The following ZNF569 variants were observed in gnomAD, a reference collection of about 807,000 sequenced individuals.
ZNF569 encodes the protein DNA-binding protein.
Under a neutral mutation model 56.3 loss-of-function variants are expected in ZNF569, and 38 were observed. That is an observed-to-expected ratio of 0.68 (90% CI 0.52 to 0.88). The LOEUF is 0.88. Ranked by LOEUF, ZNF569 falls within the 40% of genes least tolerant of loss-of-function variation. ZNF569 has a pLI of 0.00. For missense variants in ZNF569, 666 were observed against 809.2 expected (o/e 0.82, Z 2.15); for synonymous variants, 241 against 262.9 (o/e 0.92, Z 0.81).
At chr19:37,424,845 G>T (rs1246652895) in intron 5 of ZNF569, among the ~76,000 whole-genome samples, 2 of 144,936 alleles carry the variant, frequency 1.4e-5, no homozygotes, top group Non-Finnish European at 3.0e-5. Flanking sequence ...AAAAAGCCGG[G>T]CATGGTGGCT....
intron 2 of ZNF569, among the ~76,000 whole-genome samples, chr19:37,464,662 A>G (rs1447683491): frequency 6.7e-6 from 1 of 150,028 alleles, no homozygotes; most frequent in Non-Finnish European, 1.5e-5. Flanking sequence ...AGGAGGCTAT[A>G]CCATCTAGGT....
chr19:37,468,442 G>A (rs184660219), upstream of ZNF569, among the ~76,000 whole-genome samples: 43 of 152,190 alleles, frequency 2.8e-4, no homozygotes, highest in African/African-American at 9.4e-4. Context: ...TCACGCCTGT[G>A]ATCCCAGCAC....
intron 5 of ZNF569, among the ~76,000 whole-genome samples, chr19:37,420,735 T>G (rs2041021304): frequency 6.6e-6 from 1 of 152,152 alleles, no homozygotes; most frequent in African/African-American, 2.4e-5. Flanking sequence ...GATATTCTGA[T>G]CTCCTCTCCT....
intron 2 of ZNF569, among the ~76,000 whole-genome samples, chr19:37,463,244 C>T (rs189809087): frequency 1.8e-4 from 28 of 151,764 alleles, no homozygotes; most frequent in Non-Finnish European, 3.4e-4. Flanking sequence ...TCATGTGCTG[C>T]GTAACAATGT....
chr19:37,425,795 G>T, intron 5 of ZNF569, 73 bp downstream of exon 5: 1 of 1,179,608 alleles, frequency 8.5e-7, no homozygotes, highest in Non-Finnish European at 1.3e-6. Context: ...TATTTTAGAG[G>T]GATCAACCAT....
At chr19:37,426,090 CT>C in intron 4 of ZNF569, 127 bp from the exon 5 acceptor site, 1 of 1,308,608 alleles carries the variant, frequency 7.6e-7, no homozygotes, top group South Asian at 1.4e-5. Flanking sequence ...GTTCTGTCCC[CT>C]TTTGCTCTGA....
Position 37,414,137 on chromosome 19 carries a change from T to A in ZNF569, c.521A>T (p.Tyr174Phe), listed in dbSNP as rs757484800. 1.2e-6 allele frequency: 2 copies of A among 1,613,804 alleles called. No individual in the cohort carries two copies. The highest frequency in any genetic ancestry group is 1.7e-6 in the Non-Finnish European group (2 of 1,179,898). ...HCEYNEPVKS[Y>F]GNSSSHFVIT... ...GACAAAATGGGATGAGCTATTACCA[T>A]ATGATTTCACAGGTTCATTATATTC... The change falls in exon 6 of 6, where the codon TAT (tyrosine) becomes TTT (phenylalanine). Residue 174 changes from tyrosine to phenylalanine, a missense_variant. Transcript: ENST00000316950.
chr19:37,418,170 T>G (rs898227131), intron 5 of ZNF569, among the ~76,000 whole-genome samples: 2 of 151,554 alleles, frequency 1.3e-5, no homozygotes, highest in African/African-American at 4.8e-5. Context: ...TGTGTTTATA[T>G]CCAGTCTAAA....
chr19:37,433,494 A>G (rs1285509685), intron 3 of ZNF569, among the ~76,000 whole-genome samples: 1 of 152,224 alleles, frequency 6.6e-6, no homozygotes, highest in Non-Finnish European at 1.5e-5. Context: ...ATTCAAGTAC[A>G]AGAAGGTTAT....
At chr19:37,430,628 T>A (rs1235992897) in intron 3 of ZNF569, among the ~76,000 whole-genome samples, 1 of 146,880 alleles carries the variant, frequency 6.8e-6, no homozygotes, top group South Asian at 2.2e-4. Context: ...GAGGGCCCAA[T>A]AGAAGCCTCC....
intron 3 of ZNF569, among the ~76,000 whole-genome samples, chr19:37,439,319 C>T (rs934460882): frequency 6.4e-4 from 97 of 152,206 alleles, no homozygotes; most frequent in Non-Finnish European, 2.2e-4. Context: ...GATCCACCCG[C>T]CTTGGCCTCC....
intron 5 of ZNF569, among the ~76,000 whole-genome samples, chr19:37,420,773 G>A (rs2041022165): frequency 6.6e-6 from 1 of 152,038 alleles, no homozygotes; most frequent in African/African-American, 2.4e-5. Flanking sequence ...AATAGCACCT[G>A]GAAACATAAA....
intron 3 of ZNF569, among the ~76,000 whole-genome samples, chr19:37,434,814 C>G (rs143848513): frequency 9.1e-4 from 138 of 152,328 alleles, no homozygotes; most frequent in South Asian, 2.7e-3. Flanking sequence ...TGAGAATGTA[C>G]TTTGTGAAAT....
rs1318032715 is a variant in ZNF569, at chr19:37,426,298, C to T, written c.96G>A (p.Leu32=). 1.9e-6 allele frequency: 3 copies of T among 1,613,812 alleles called. No individual in the cohort carries two copies. The highest frequency in any genetic ancestry group is 2.5e-6 in the Non-Finnish European group (3 of 1,179,868). ...AGTTTTCTAGCATCACATTCCGGTA[C>T]AGTTTTCTCTGAGCAGGATCCAATC... ...WKRLDPAQRK[L]YRNVMLENYN... is the part of the protein sequence containing the mutation. The change falls in exon 4 of 6, where the codon CTG becomes CTA. Residue 32 remains leucine, a synonymous_variant. Coordinates refer to ENST00000316950, the MANE Select transcript of ZNF569 (RefSeq NM_152484.3).
At chr19:37,436,190 T>G (rs1016713037) in intron 3 of ZNF569, among the ~76,000 whole-genome samples, 4 of 152,094 alleles carry the variant, frequency 2.6e-5, no homozygotes, top group African/African-American at 7.2e-5. Flanking sequence ...AGGAGGAATT[T>G]TGGAAACTAT....
At chr19:37,450,703 G>C (rs1382789173) in intron 2 of ZNF569, among the ~76,000 whole-genome samples, 1 of 151,962 alleles carries the variant, frequency 6.6e-6, no homozygotes, top group East Asian at 1.9e-4. Context: ...CTAGTTCCTT[G>C]AGATGTAAAG....
chr19:37,429,034 T>G (rs185108228), intron 3 of ZNF569, among the ~76,000 whole-genome samples: 4 of 152,200 alleles, frequency 2.6e-5, no homozygotes. Flanking sequence ...CTAAGACTGA[T>G]CTTAAAAAAA....
chr19:37,452,130 T>C (rs890247010), intron 2 of ZNF569, among the ~76,000 whole-genome samples: 3 of 149,228 alleles, frequency 2.0e-5, no homozygotes, highest in Non-Finnish European at 4.5e-5. Flanking sequence ...TTACATAAAA[T>C]ATAGATGTAA....
intron 3 of ZNF569, among the ~76,000 whole-genome samples, chr19:37,428,704 G>A (rs1055246304): frequency 4.6e-4 from 66 of 143,976 alleles, no homozygotes; most frequent in African/African-American, 1.5e-3. Context: ...ATAGAGTCTC[G>A]CCCTGTTGCC....
Sources: allele counts gnomAD v4.1 joint callset (sites outside exome capture counted in the v4.1 genomes callset), GRCh38; gene constraint gnomAD v4.1.1; transcripts MANE v1.5; gene names NCBI Gene and HGNC (gene_info 2026-07-23, HGNC 2026-07-21).